The following ACTR3C variants were observed in gnomAD, a reference collection of about 807,000 sequenced individuals.
ACTR3C encodes the protein actin related protein 3C, also known as actin-related protein 3C.
ACTR3C carries 18 observed loss-of-function variants against 26.3 expected under a neutral mutation model. The ratio of observed to expected loss-of-function variants is 0.68; its 90% confidence interval spans 0.47 to 1.01. The LOEUF (loss-of-function observed/expected upper bound fraction) is 1.01, where lower values mean the gene tolerates loss of function less well. ACTR3C is among the 50% of genes least tolerant of loss of function. The probability of loss-of-function intolerance (pLI) is 0.00; values close to 1 mark genes in which losing one functional copy is unlikely to be tolerated. For missense variants in ACTR3C, 184 were observed against 250.7 expected (o/e 0.73, Z 1.80); for synonymous variants, 55 against 94.5 (o/e 0.58, Z 2.42).
At chr7:150,227,433 G>A in the ACTR3C span, among the ~76,000 whole-genome samples, 1 of 151,064 alleles carries the variant, frequency 6.6e-6, no homozygotes, top group Non-Finnish European at 1.5e-5. Flanking sequence ...TTAGCATAAT[G>A]TCCTCCAGCT....
chr7:149,951,847 G>T, the ACTR3C span, among the ~76,000 whole-genome samples: 1 of 150,406 alleles, frequency 6.6e-6, no homozygotes, highest in East Asian at 1.9e-4. Context: ...ATTTTGGGAG[G>T]CATCTTAGAA....
chr7:150,006,589 T>C, the ACTR3C span, among the ~76,000 whole-genome samples: 6 of 149,624 alleles, frequency 4.0e-5, no homozygotes, highest in Non-Finnish European at 7.4e-5. Context: ...ACAAGGTGAG[T>C]AAAAGCCAAG....
the ACTR3C span, among the ~76,000 whole-genome samples, chr7:149,983,449 G>GTGTGTGTGTGTGTATATA: frequency 4.3e-5 from 1 of 23,328 alleles, no homozygotes. Flanking sequence ...GTGTGTGTGT[G>GTGTGTGTGTGTGTATATA]TATATATATA....
At chr7:149,999,290 G>C in the ACTR3C span, among the ~76,000 whole-genome samples, 1 of 150,800 alleles carries the variant, frequency 6.6e-6, no homozygotes, top group African/African-American at 2.4e-5. Context: ...AGAGGAATTC[G>C]ATCATCTGTT....
At chr7:150,047,953 G>A in the ACTR3C span, 43 of 1,219,360 alleles carry the variant, frequency 3.5e-5, no homozygotes, top group African/African-American at 6.7e-4. Flanking sequence ...AAAAAAAGGC[G>A]GTGGGGAGGC....
chr7:149,885,370 A>C, the ACTR3C span, among the ~76,000 whole-genome samples: 2 of 152,288 alleles, frequency 1.3e-5, no homozygotes, highest in East Asian at 3.9e-4. Context: ...GTAAGCCCCC[A>C]AGCCGCCAGG....
the ACTR3C span, among the ~76,000 whole-genome samples, chr7:150,204,100 G>T: frequency 6.7e-6 from 1 of 149,996 alleles, no homozygotes; most frequent in Non-Finnish European, 1.5e-5. Context: ...TCAGGAAAAG[G>T]AAAGTACAGG....
the ACTR3C span, among the ~76,000 whole-genome samples, chr7:150,139,460 AG>A: frequency 6.6e-6 from 1 of 152,282 alleles, no homozygotes; most frequent in Non-Finnish European, 1.5e-5. Flanking sequence ...TTCCTGCCAC[AG>A]GTTCCACCTG....
chr7:150,031,404 A>G, the ACTR3C span, among the ~76,000 whole-genome samples: 60 of 152,296 alleles, frequency 3.9e-4, no homozygotes, highest in African/African-American at 1.4e-3. Context: ...GGGCCTGCTT[A>G]AGGCCAGTGG....
At chr7:150,313,102 C>A (rs1179914474) in intron 1 of ACTR3C, among the ~76,000 whole-genome samples, 2 of 152,210 alleles carry the variant, frequency 1.3e-5, no homozygotes, top group Non-Finnish European at 2.9e-5. Flanking sequence ...CCTCTGCTAA[C>A]AATATATAAC....
the ACTR3C span, among the ~76,000 whole-genome samples, chr7:149,967,474 T>C: frequency 3.9e-5 from 6 of 152,236 alleles, no homozygotes; most frequent in East Asian, 5.8e-4. Context: ...GTCTGGCCCA[T>C]GTCTATGTTT....
the ACTR3C span, among the ~76,000 whole-genome samples, chr7:150,066,713 T>C: frequency 6.6e-6 from 1 of 152,220 alleles, no homozygotes; most frequent in East Asian, 1.9e-4. Context: ...GCAGAGATAT[T>C]CTGTTAATCT....
At chr7:149,949,313 T>C in the ACTR3C span, among the ~76,000 whole-genome samples, 2,207 of 144,312 alleles carry the variant, frequency 0.015, 355 homozygotes, top group African/African-American at 0.059. Context: ...GAGACGGAGG[T>C]TGCAGTGAGC....
chr7:149,925,013 C>G, the ACTR3C span, among the ~76,000 whole-genome samples: 1 of 151,864 alleles, frequency 6.6e-6, no homozygotes, highest in Non-Finnish European at 1.5e-5. Context: ...TAAAGCAGCA[C>G]GTTATAAAAT....
chr7:150,042,641 C>G, the ACTR3C span, among the ~76,000 whole-genome samples: 92 of 151,928 alleles, frequency 6.1e-4, 1 homozygote, highest in Non-Finnish European at 1.1e-3. Flanking sequence ...GGATGGATCT[C>G]AGCCATCACA....
At chr7:150,024,258 G>A in the ACTR3C span, among the ~76,000 whole-genome samples, 1,685 of 152,094 alleles carry the variant, frequency 0.011, 10 homozygotes, top group Middle Eastern at 0.044. Flanking sequence ...GCTACTCCAG[G>A]GTCCCTGAAC....
the ACTR3C span, among the ~76,000 whole-genome samples, chr7:150,068,782 CA>C: frequency 4.7e-3 from 358 of 76,752 alleles, 2 homozygotes; most frequent in East Asian, 0.041. Context: ...GACTCCGTCC[CA>C]AAAAAAAAAA....
chr7:150,212,768 C>A, the ACTR3C span, among the ~76,000 whole-genome samples: 16 of 152,178 alleles, frequency 1.1e-4, no homozygotes, highest in African/African-American at 3.6e-4. Flanking sequence ...GTCTATCAGA[C>A]GTGGCCCTTC....
chr7:150,066,290 C>T, the ACTR3C span, among the ~76,000 whole-genome samples: 278 of 152,276 alleles, frequency 1.8e-3, no homozygotes, highest in African/African-American at 6.4e-3. Context: ...GGATCCACAG[C>T]GATGAGCATC....
Sources: allele counts gnomAD v4.1 joint callset (sites outside exome capture counted in the v4.1 genomes callset), GRCh38; gene constraint gnomAD v4.1.1; transcripts MANE v1.5; gene names NCBI Gene and HGNC (gene_info 2026-07-23, HGNC 2026-07-21).